The following CREBBP variants were observed in gnomAD, a reference collection of about 807,000 sequenced individuals.
The protein encoded by CREBBP is CREB-binding protein.
CREBBP carries 19 observed loss-of-function variants against 265.0 expected under a neutral mutation model. The ratio of observed to expected loss-of-function variants is 0.07; its 90% CI spans 0.05 to 0.11. CREBBP has a LOEUF of 0.11. Among genes scored for constraint, CREBBP ranks in the 10% least tolerant of loss-of-function variants. The pLI is 1.00. For missense variants in CREBBP, 2,525 were observed against 3,219.0 expected (o/e 0.78, Z 5.22); for synonymous variants, 1,457 against 1,223.7 (o/e 1.19, Z -3.98).
intron 3 of CREBBP, among the ~76,000 whole-genome samples, chr16:3,800,956 C>G (rs1460693274): frequency 3.3e-5 from 5 of 152,130 alleles, no homozygotes; most frequent in African/African-American, 1.2e-4. Flanking sequence ...CATGATGGAG[C>G]TATTATTTTT....
intron 3 of CREBBP, among the ~76,000 whole-genome samples, chr16:3,798,251 C>T (rs905258476): frequency 5.9e-5 from 9 of 152,192 alleles, no homozygotes; most frequent in African/African-American, 2.2e-4. Context: ...GAGAATAAAT[C>T]TTCACGACCT....
At chr16:3,791,756 G>A (rs2053512834) in intron 5 of CREBBP, among the ~76,000 whole-genome samples, 1 of 152,180 alleles carries the variant, frequency 6.6e-6, no homozygotes, top group East Asian at 1.9e-4. Flanking sequence ...CAGGGAGAGG[G>A]AGAGGCAGTG....
At chr16:3,843,870 C>T (rs569982337) in intron 2 of CREBBP, among the ~76,000 whole-genome samples, 2 of 151,576 alleles carry the variant, frequency 1.3e-5, no homozygotes, top group South Asian at 2.1e-4. Flanking sequence ...GACTTTCGGC[C>T]GGGCGCGGTG....
At chr16:3,806,621 C>T (rs368549696) in intron 3 of CREBBP, among the ~76,000 whole-genome samples, 2 of 152,110 alleles carry the variant, frequency 1.3e-5, no homozygotes, top group South Asian at 4.1e-4. Flanking sequence ...AAGCCCAATC[C>T]AAAGCTTAAG....
intron 4 of CREBBP, among the ~76,000 whole-genome samples, chr16:3,792,891 C>G (rs1214532621): frequency 6.6e-6 from 1 of 152,246 alleles, no homozygotes; most frequent in African/African-American, 2.4e-5. Flanking sequence ...CCCCATGTCA[C>G]TGCCAGTCAC....
chr16:3,825,898 T>C (rs1017204253), intron 2 of CREBBP, among the ~76,000 whole-genome samples: 2 of 152,190 alleles, frequency 1.3e-5, no homozygotes, highest in Non-Finnish European at 2.9e-5. Flanking sequence ...AATCAAATCT[T>C]TATGTATGAA....
intron 1 of CREBBP, among the ~76,000 whole-genome samples, chr16:3,854,810 G>C (rs553070266): frequency 3.3e-5 from 5 of 152,208 alleles, no homozygotes; most frequent in Non-Finnish European, 7.3e-5. Context: ...TGTCAGTCTA[G>C]AAAACCACGT....
rs180698863 is a variant in CREBBP, at chr16:3,735,547, C to T, written c.4728+489G>A. ...TCCTGACCTTGTGATCCGCCTGCCT[C>T]GGCCTCCCAAAGTGCGGGGTTACAG... On this transcript the variant is annotated intron_variant, in intron 28 of 30. Coordinates refer to ENST00000262367, the MANE Select transcript of CREBBP (RefSeq NM_004380.3). Among the ~76,000 whole-genome samples the T allele has an allele frequency of 3.7e-3, 559 of 152,238 alleles. 2 individuals are homozygous for T. Among genetic ancestry groups the T allele is most frequent in the African/African-American group, 0.012 (516 of 41,528 alleles).
intron 4 of CREBBP, among the ~76,000 whole-genome samples, 183 bp from the exon 5 acceptor site, chr16:3,792,277 G>C (rs1335924440): frequency 6.6e-6 from 1 of 152,088 alleles, no homozygotes; most frequent in Non-Finnish European, 1.5e-5. Context: ...TGACTGTTGA[G>C]AAATCCAAAC....
chr16:3,852,135 C>A (rs1597057618), intron 1 of CREBBP, among the ~76,000 whole-genome samples: 1 of 112,744 alleles, frequency 8.9e-6, no homozygotes, highest in African/African-American at 3.3e-5. Context: ...AATTTGAGGA[C>A]AGTAAAGCCA....
intron 18 of CREBBP, 47 bp downstream of exon 18, chr16:3,757,762 T>A: frequency 6.2e-7 from 1 of 1,610,084 alleles, no homozygotes; most frequent in East Asian, 2.2e-5. Context: ...CCCCTCTGGC[T>A]GGATTAACCA....
chr16:3,847,164 G>A (rs1567358154), intron 2 of CREBBP, among the ~76,000 whole-genome samples: 1 of 152,294 alleles, frequency 6.6e-6, no homozygotes, highest in East Asian at 1.9e-4. Context: ...TCTGTGCAGT[G>A]TCACAGAGGC....
rs962341717 is a variant in CREBBP at position 3,726,241 on chromosome 16, G to C, written c.*1477C>G. ...CCTCAGATTCTGGGAGTCGTGTACG[G>C]GGGGGGGGAGCCGCCTGAACACGGG... On this transcript the variant is annotated 3_prime_UTR_variant, in exon 31 of 31. Coordinates refer to ENST00000262367, the MANE Select transcript of CREBBP (RefSeq NM_004380.3). 22 of 228,862 alleles carry C rather than the reference G, an allele frequency of 9.6e-5. No individual in the cohort carries two copies. The highest frequency in any genetic ancestry group is 4.9e-4 in the East Asian group (8 of 16,256). The allele number at this position is 228,862 out of a possible 1,614,324, so 14.2% of individuals were successfully genotyped here.
chr16:3,821,268 T>C lies in CREBBP; in HGVS notation c.799-10489A>G, dbSNP rs1011060769. ...TAAAGGCTACACTCCTGGGAGATGTTGCTACTCGCAGTGAGTGACAACTGA... is the reference window on the plus strand; with the variant it reads ...TAAAGGCTACACTCCTGGGAGATGTCGCTACTCGCAGTGAGTGACAACTGA... On this transcript the variant is annotated intron_variant, in intron 2 of 30. Transcript: ENST00000262367. Among the ~76,000 whole-genome samples the C allele has an allele frequency of 3.3e-5, 5 of 152,242 alleles. 1 individual carries two copies. Among genetic ancestry groups the C allele is most frequent in the Admixed American group, 2.6e-4 (4 of 15,288 alleles).
In CREBBP at chr16:3,873,559, C is replaced by T. The variant is rs557445525; in HGVS notation, c.85+6273G>A. Among the ~76,000 whole-genome samples, 40 of 152,280 alleles carry T rather than the reference C, an allele frequency of 2.6e-4. 1 individual carries two copies. In the South Asian group the frequency reaches 7.3e-3, roughly 28 times the overall value. ...AGTAAGTCCTAGGACTTACAAGGTA[C>T]GACAACGTCCCTGGTTAACGCTAGT... On this transcript the variant is annotated intron_variant, in intron 1 of 30. Transcript: ENST00000262367.
At chr16:3,751,547 G>C (rs1472727331) in intron 20 of CREBBP, among the ~76,000 whole-genome samples, 179 bp downstream of exon 20, 1 of 152,202 alleles carries the variant, frequency 6.6e-6, no homozygotes, top group Non-Finnish European at 1.5e-5. Context: ...AGTCGAGATA[G>C]TGCCACTGCA....
intron 16 of CREBBP, among the ~76,000 whole-genome samples, chr16:3,765,795 G>A (rs1212903772): frequency 6.6e-6 from 1 of 152,090 alleles, no homozygotes; most frequent in Non-Finnish European, 1.5e-5. Flanking sequence ...CTACAGGCAT[G>A]CACTACCATA....
rs1484511446 is a variant in CREBBP, at chr16:3,778,102, A to G, written c.2022T>C (p.His674=). 6.2e-7 allele frequency: 1 copy of G among 1,614,038 alleles called. No homozygotes were observed. Among genetic ancestry groups the G allele is most frequent in the African/African-American group, 1.3e-5 (1 of 74,938 alleles). ...ELEEKRRSRL[H]KQGILGNQPA... ...GCTGGTTCCCCAAGATGCCTTGTTT[A>G]TGTAAACGCGACCTCCGTTTTTCTT... is the stretch of plus-strand genomic sequence containing the variant. The change falls in exon 10 of 31, where the codon CAT becomes CAC. Residue 674 remains histidine (H), a synonymous_variant. Transcript: ENST00000262367.
At chr16:3,795,630 A>G (rs2053593445) in intron 3 of CREBBP, among the ~76,000 whole-genome samples, 1 of 152,138 alleles carries the variant, frequency 6.6e-6, no homozygotes, top group African/African-American at 2.4e-5. Context: ...TATTTTTTAT[A>G]ACTGTAAATA....
Sources: allele counts gnomAD v4.1 joint callset (sites outside exome capture counted in the v4.1 genomes callset), GRCh38; gene constraint gnomAD v4.1.1; transcripts MANE v1.5; gene names NCBI Gene and HGNC (gene_info 2026-07-23, HGNC 2026-07-21).